Variants in DOCK5 observed in about 807,000 individuals in gnomAD.
DOCK5 encodes dedicator of cytokinesis protein 5.
A neutral mutation model predicts 251.8 loss-of-function variants in DOCK5; 142 were observed. The ratio of observed to expected loss-of-function variants is 0.56; its 90% CI spans 0.49 to 0.65. The LOEUF (loss-of-function observed/expected upper bound fraction) is 0.65, where lower values mean the gene tolerates loss of function less well. Ranked by LOEUF, DOCK5 falls within the 30% of genes least tolerant of loss-of-function variation. The probability of loss-of-function intolerance (pLI) is 0.00; values close to 1 mark genes in which losing one functional copy is unlikely to be tolerated. For synonymous variants in DOCK5, 842 were observed against 835.5 expected (o/e 1.01, Z -0.13); for missense variants, 2,111 against 2,312.3 (o/e 0.91, Z 1.79).
intron 3 of DOCK5, 103 bp downstream of exon 3, chr8:25,268,988 A>G: frequency 9.6e-7 from 1 of 1,046,164 alleles, no homozygotes. Flanking sequence ...CTCTAGACCT[A>G]GTTTGCTTTC....
rs1805547552 is a variant in DOCK5 at position 25,325,681 on chromosome 8, C to T, written c.1903+134C>T. On this transcript the variant is annotated intron_variant, in intron 18 of 51. Coordinates refer to ENST00000276440, the MANE Select transcript of DOCK5 (RefSeq NM_024940.8). ...GGATGTTGGCCAATTGGATTCTGCT[C>T]TCTGCTTTTCAAGTGGTATTCTGGG... 3.9e-6 allele frequency: 4 copies of T among 1,038,408 alleles called. No homozygotes were observed. In the Admixed American group the frequency reaches 8.8e-5, roughly 23 times the overall value. 64.3% of individuals were successfully genotyped at this position (1,038,408 alleles called of 1,614,324 possible).
At chr8:25,320,307 A>G (rs934270562) in intron 15 of DOCK5, among the ~76,000 whole-genome samples, 1 of 152,240 alleles carries the variant, frequency 6.6e-6, no homozygotes, top group African/African-American at 2.4e-5. Context: ...AATTGCATTC[A>G]TATATCTCAA....
chr8:25,219,456 G>C (rs1358351767), intron 1 of DOCK5, among the ~76,000 whole-genome samples: 1 of 151,858 alleles, frequency 6.6e-6, no homozygotes, highest in African/African-American at 2.4e-5. Context: ...CTCATTTTGG[G>C]ACCTTCCTTT....
At chr8:25,410,033 C>A in intron 50 of DOCK5, 66 bp from the exon 51 acceptor site, 1 of 1,361,576 alleles carries the variant, frequency 7.3e-7, no homozygotes, top group Non-Finnish European at 1.0e-6. Context: ...ACAGTGCCAG[C>A]AACATTTCCA....
intron 39 of DOCK5, among the ~76,000 whole-genome samples, 193 bp from the exon 40 acceptor site, chr8:25,382,481 G>A (rs150999872): frequency 3.9e-5 from 6 of 152,248 alleles, no homozygotes; most frequent in South Asian, 2.1e-4. Flanking sequence ...GCCTTCCAAC[G>A]TCCATTCATG....
At chr8:25,251,358 C>T (rs1803263986) in intron 2 of DOCK5, among the ~76,000 whole-genome samples, 1 of 152,088 alleles carries the variant, frequency 6.6e-6, no homozygotes, top group African/African-American at 2.4e-5. Flanking sequence ...AGCACAAATG[C>T]TTGGACTGGA....
intron 1 of DOCK5, among the ~76,000 whole-genome samples, chr8:25,221,047 A>G (rs1239235796): frequency 6.6e-6 from 1 of 151,752 alleles, no homozygotes; most frequent in Non-Finnish European, 1.5e-5. Flanking sequence ...TTAGCAGTCT[A>G]CCTCTCCAGT....
In DOCK5 at chr8:25,254,773, C is replaced by CAAAAAAAAAAAAAAAAAAA. The variant is rs745860086; in HGVS notation, c.127+11025_127+11026insAAAAAAAAAAAAAAAAAAA. On this transcript the variant is annotated intron_variant, in intron 2 of 51. Coordinates refer to ENST00000276440, the MANE Select transcript of DOCK5 (RefSeq NM_024940.8). ...CTGGCGACAAAGCAAGACTTTGTCTCAAAAAAAAACAAAACAAAACAAAAA... is the reference window on the plus strand; with the variant it reads ...CTGGCGACAAAGCAAGACTTTGTCTCAAAAAAAAAAAAAAAAAAAAAAAAAAAACAAAACAAAACAAAAA... Among the ~76,000 whole-genome samples the CAAAAAAAAAAAAAAAAAAA allele has an allele frequency of 3.0e-4, 2 of 6,560 alleles. 1 individual carries two copies. The highest frequency in any genetic ancestry group is 5.7e-4 in the Non-Finnish European group (2 of 3,534). 4.3% of individuals were successfully genotyped at this position (6,560 alleles called of 152,430 possible).
At chr8:25,322,480 A>T (rs1202011940) in intron 16 of DOCK5, among the ~76,000 whole-genome samples, 2 of 152,218 alleles carry the variant, frequency 1.3e-5, no homozygotes, top group African/African-American at 4.8e-5. Context: ...GAGCAATAAT[A>T]GTATCAGGTT....
At chr8:25,227,376 T>C (rs1423085127) in intron 1 of DOCK5, among the ~76,000 whole-genome samples, 1 of 152,236 alleles carries the variant, frequency 6.6e-6, no homozygotes, top group African/African-American at 2.4e-5. Flanking sequence ...ATTTTGTTTT[T>C]TTTTCAAGCA....
intron 3 of DOCK5, among the ~76,000 whole-genome samples, chr8:25,269,830 TTATCAA>T (rs1310841133): frequency 1.3e-5 from 2 of 152,180 alleles, no homozygotes. Flanking sequence ...GTTTTAGAAT[TTATCAA>T]AAGAGGAGTG....
chr8:25,197,575 CTTTTTTTTTTTTTTT>C (rs541455591), intron 1 of DOCK5, among the ~76,000 whole-genome samples: 1 of 108,308 alleles, frequency 9.2e-6, no homozygotes, highest in African/African-American at 4.1e-5. Flanking sequence ...GTGTCTTTGT[CTTTTTTTTTTTTTTT>C]TTTTTTTTTT....
chr8:25,184,763 C>G lies in DOCK5; in HGVS notation c.-146C>G. The G allele has an allele frequency of 3.0e-6, 2 of 669,336 alleles. No individual in the cohort carries two copies. Among genetic ancestry groups the G allele is most frequent in the South Asian group, 7.2e-5 (1 of 13,986 alleles). The allele number at this position is 669,336 out of a possible 1,614,324, so 41.5% of individuals were successfully genotyped here. A position where few individuals can be genotyped will look rare whatever the true frequency, so the allele number is the denominator to read the frequency against. Reference sequence around the variant, plus strand: ...ACGGGCACGGGCGCGGGCGGCGCGGCGAGGAGGCGGCCCGCGGAGTCCAGC... The same window carrying G: ...ACGGGCACGGGCGCGGGCGGCGCGGGGAGGAGGCGGCCCGCGGAGTCCAGC... On this transcript the variant is annotated 5_prime_UTR_variant, in exon 1 of 52. Transcript: ENST00000276440.
At chr8:25,368,808 TA>T (rs1192278085) in intron 33 of DOCK5, 83 bp downstream of exon 33, 3 of 1,344,902 alleles carry the variant, frequency 2.2e-6, no homozygotes, top group Non-Finnish European at 3.0e-6. Flanking sequence ...AGAGAAGCAG[TA>T]ACCTTAATAA....
chr8:25,330,441 A>G (rs1302208334), intron 18 of DOCK5, among the ~76,000 whole-genome samples: 1 of 152,228 alleles, frequency 6.6e-6, no homozygotes, highest in African/African-American at 2.4e-5. Context: ...AATACATAGT[A>G]TTTCTGGGTA....
At chr8:25,329,631 T>A (rs116278144) in intron 18 of DOCK5, among the ~76,000 whole-genome samples, 134 of 152,322 alleles carry the variant, frequency 8.8e-4, no homozygotes, top group African/African-American at 3.1e-3. Flanking sequence ...TTGAAGATAT[T>A]CTTCCTGATG....
At chr8:25,330,072 A>C (rs551412159) in intron 18 of DOCK5, among the ~76,000 whole-genome samples, 1 of 152,308 alleles carries the variant, frequency 6.6e-6, no homozygotes, top group Admixed American at 6.5e-5. Context: ...TGCTGGGTGA[A>C]TATTCACCCC....
rs766691438 is a variant in DOCK5 at position 25,342,518 on chromosome 8, T to C, written c.2617+11T>C. On this transcript the variant is annotated intron_variant, in intron 25 of 51. Transcript: ENST00000276440. ...TTTTTCGACAGTCAGGTAAGTCTCCTTCAAAACTTGCTGCATGAGGTTGCA... is the reference window on the plus strand; with the variant it reads ...TTTTTCGACAGTCAGGTAAGTCTCCCTCAAAACTTGCTGCATGAGGTTGCA... The C allele has an allele frequency of 2.6e-6, 4 of 1,560,652 alleles. No homozygotes were observed. In the African/African-American group the frequency reaches 4.1e-5, roughly 16 times the overall value.
At chr8:25,317,914 T>A (rs1805301734) in intron 14 of DOCK5, among the ~76,000 whole-genome samples, 1 of 152,136 alleles carries the variant, frequency 6.6e-6, no homozygotes, top group African/African-American at 2.4e-5. Context: ...CCCAGCCTAC[T>A]CTTTAGTTTT....
Sources: gnomAD v4.1 joint callset for allele counts (sites outside exome capture counted in the v4.1 genomes callset) on GRCh38, gnomAD v4.1.1 for gene constraint, MANE v1.5 for transcripts, NCBI Gene and HGNC (gene_info 2026-07-23, HGNC 2026-07-21) for gene names.